Variants in DEPDC5 observed in about 807,000 individuals in gnomAD.
DEPDC5 encodes GATOR1 complex protein DEPDC5.
In DEPDC5, 73 loss-of-function variants were observed where a neutral mutation model predicts 217.3. The ratio of observed to expected loss-of-function variants is 0.34; its 90% confidence interval spans 0.28 to 0.41. DEPDC5 has a LOEUF of 0.41. Among genes scored for constraint, DEPDC5 ranks in the 10% least tolerant of loss-of-function variants. The pLI, the probability that DEPDC5 is intolerant of heterozygous loss-of-function variation, is 1.00. For synonymous variants in DEPDC5, 733 were observed against 756.7 expected (o/e 0.97, Z 0.51); for missense variants, 1,675 against 2,070.1 (o/e 0.81, Z 3.70).
At chr22:31,806,961 A>G (rs969511167) in intron 18 of DEPDC5, among the ~76,000 whole-genome samples, 4 of 152,226 alleles carry the variant, frequency 2.6e-5, no homozygotes, top group African/African-American at 7.2e-5. Context: ...GTGGTGAGCT[A>G]TAATTGCGCC....
intron 33 of DEPDC5, 41 bp downstream of exon 33, chr22:31,861,474 C>T: frequency 6.5e-7 from 1 of 1,547,728 alleles, no homozygotes. Context: ...GTCCCACTGG[C>T]AGACGCCATG....
intron 23 of DEPDC5, among the ~76,000 whole-genome samples, chr22:31,822,486 G>C (rs972193971): frequency 2.0e-5 from 3 of 152,146 alleles, no homozygotes; most frequent in African/African-American, 4.8e-5. Flanking sequence ...AGGGGTGCCA[G>C]GGTCACAAGG....
At chr22:31,787,877 T>A (rs919463468) in intron 10 of DEPDC5, among the ~76,000 whole-genome samples, 1 of 151,092 alleles carries the variant, frequency 6.6e-6, no homozygotes, top group Non-Finnish European at 1.5e-5. Flanking sequence ...AAAATATTAT[T>A]TGCAAATTAT....
chr22:31,773,734 A>C (rs573877356), intron 7 of DEPDC5, among the ~76,000 whole-genome samples: 3 of 152,160 alleles, frequency 2.0e-5, no homozygotes, highest in African/African-American at 7.2e-5. Flanking sequence ...TGGTCAAATA[A>C]TTTCCCTGCA....
At chr22:31,889,851 G>A (rs2093402358) in intron 38 of DEPDC5, among the ~76,000 whole-genome samples, 1 of 152,022 alleles carries the variant, frequency 6.6e-6, no homozygotes, top group South Asian at 2.1e-4. Context: ...CTAAGTAAAG[G>A]GTTATTCTGG....
At chr22:31,903,507 T>A (rs1304539773) in intron 41 of DEPDC5, among the ~76,000 whole-genome samples, 1 of 1,590 alleles carries the variant, frequency 6.3e-4, no homozygotes, top group Admixed American at 8.8e-3. Flanking sequence ...CCCACCTTCC[T>A]CACCTAAACC....
chr22:31,761,486 T>TGCCA (rs2082381778), intron 4 of DEPDC5, among the ~76,000 whole-genome samples: 1 of 151,896 alleles, frequency 6.6e-6, no homozygotes, highest in Non-Finnish European at 1.5e-5. Flanking sequence ...TGACTGTAGT[T>TGCCA]CTCTTCTTAT....
intron 38 of DEPDC5, among the ~76,000 whole-genome samples, chr22:31,885,982 A>G (rs1457734432): frequency 6.6e-6 from 1 of 151,276 alleles, no homozygotes; most frequent in Non-Finnish European, 1.5e-5. Flanking sequence ...GCATTGAGCC[A>G]AGATCACTCC....
At chr22:31,838,131 C>G (rs2091154149) in intron 26 of DEPDC5, among the ~76,000 whole-genome samples, 1 of 152,040 alleles carries the variant, frequency 6.6e-6, no homozygotes, top group Non-Finnish European at 1.5e-5. Flanking sequence ...CTCATATTTT[C>G]TAATGCAATT....
chr22:31,814,846 G>A (rs1207616674), intron 20 of DEPDC5, 146 bp from the exon 21 acceptor site: 15 of 731,166 alleles, frequency 2.1e-5, no homozygotes, highest in South Asian at 7.0e-5. Context: ...GTGAAGTACC[G>A]CATACAGGTT....
chr22:31,802,606 T>C (rs2086997143), intron 14 of DEPDC5, 98 bp from the exon 15 acceptor site: 1 of 1,350,758 alleles, frequency 7.4e-7, no homozygotes, highest in Non-Finnish European at 9.8e-7. Flanking sequence ...ATAATAAAAA[T>C]ATGGGCAGAA....
intron 25 of DEPDC5, among the ~76,000 whole-genome samples, chr22:31,835,933 C>T (rs527918963): frequency 1.2e-4 from 18 of 152,224 alleles, no homozygotes; most frequent in Non-Finnish European, 2.2e-4. Context: ...GGCTACAACA[C>T]ATTATAAGCT....
At position 31,843,783 on chromosome 22, in the gene DEPDC5, T is replaced by TAC; in HGVS notation, c.2773_2774insCA (p.Ile925ThrfsTer12). On this transcript the variant is annotated frameshift_variant, in exon 29 of 43. Coordinates refer to ENST00000651528, the MANE Select transcript of DEPDC5 (RefSeq NM_001242896.3). LOFTEE classifies it high-confidence loss of function. ...ACAAGTGGAATTACTTAGATCAGTATATCTGTTCTGCCGGCTCTGAAGACT... is the reference window on the plus strand; with the variant it reads ...ACAAGTGGAATTACTTAGATCAGTATACATCTGTTCTGCCGGCTCTGAAGACT... 1 of 1,611,008 alleles carries TAC rather than the reference T, an allele frequency of 6.2e-7. No individual in the cohort carries two copies. The highest frequency in any genetic ancestry group is 8.5e-7 in the Non-Finnish European group (1 of 1,177,376).
intron 38 of DEPDC5, among the ~76,000 whole-genome samples, chr22:31,891,632 C>G (rs2149366420): frequency 6.6e-6 from 1 of 152,318 alleles, no homozygotes; most frequent in South Asian, 2.1e-4. Flanking sequence ...CTTCTATCTG[C>G]AGAACCCAGA....
chr22:31,820,112 T>TTGTGTGTGTG (rs3069112), intron 22 of DEPDC5, among the ~76,000 whole-genome samples: 2 of 151,380 alleles, frequency 1.3e-5, no homozygotes, highest in African/African-American at 4.9e-5. Flanking sequence ...CTCCAGGATT[T>TTGTGTGTGTG]TGTGTGTGTG....
At position 31,792,082 on chromosome 22, in the gene DEPDC5, T is replaced by C; in HGVS notation, c.674T>C (p.Phe225Ser). 2 of 1,612,634 alleles carry C rather than the reference T, an allele frequency of 1.2e-6. No individual in the cohort carries two copies. Among genetic ancestry groups the C allele is most frequent in the Non-Finnish European group, 8.5e-7 (1 of 1,179,038 alleles). Residue 225 changes from phenylalanine to serine, a missense_variant, in exon 11 of 43, where the codon TTC (phenylalanine) becomes TCC (serine). Phe to Ser is a radical substitution (Grantham distance 155, BLOSUM62 -2). Transcript: ENST00000651528. ...EVTVVLFSRTFYDAKSVDEFP... is the reference protein window; with the variant it reads ...EVTVVLFSRTSYDAKSVDEFP... The stretch of plus-strand genomic sequence containing the variant: ...ACAGTGGTCCTGTTTTCTAGAACTT[T>C]CTATGATGCAAAATCTGTTGGTGAG...
chr22:31,856,266 T>A (rs1048161921), intron 31 of DEPDC5, among the ~76,000 whole-genome samples: 1 of 151,746 alleles, frequency 6.6e-6, no homozygotes, highest in African/African-American at 2.4e-5. Flanking sequence ...TCATTGCCTA[T>A]GGCAGCCCAT....
At chr22:31,905,505 T>G (rs1276979688) in intron 41 of DEPDC5, among the ~76,000 whole-genome samples, 1 of 151,832 alleles carries the variant, frequency 6.6e-6, no homozygotes, top group Non-Finnish European at 1.5e-5. Flanking sequence ...GGACCTTCCC[T>G]GGAGGAATGG....
At chr22:31,767,818 C>T (rs2082952781) in intron 6 of DEPDC5, among the ~76,000 whole-genome samples, 1 of 151,850 alleles carries the variant, frequency 6.6e-6, no homozygotes, top group African/African-American at 2.4e-5. Context: ...GCGATTTCTG[C>T]TCACTGCAAG....
Sources: allele counts gnomAD v4.1 joint callset (sites outside exome capture counted in the v4.1 genomes callset), GRCh38; gene constraint gnomAD v4.1.1; transcripts MANE v1.5; gene names NCBI Gene and HGNC (gene_info 2026-07-23, HGNC 2026-07-21).